KLHL29: variants seen among roughly 807,000 people sequenced by gnomAD.
The protein encoded by KLHL29 is kelch like family member 29.
A neutral mutation model predicts 80.4 loss-of-function variants in KLHL29; 21 were observed. The observed-to-expected ratio is 0.26, with a 90% CI of 0.19 to 0.38. The LOEUF is 0.38. Among genes scored for constraint, KLHL29 ranks in the 10% least tolerant of loss-of-function variants. The probability of loss-of-function intolerance (pLI) is 1.00; values close to 1 mark genes in which losing one functional copy is unlikely to be tolerated. For missense variants in KLHL29, 867 were observed against 1,223.9 expected (o/e 0.71, Z 4.35); for synonymous variants, 511 against 526.8 (o/e 0.97, Z 0.41).
intron 3 of KLHL29, among the ~76,000 whole-genome samples, chr2:23,605,446 G>A (rs1178172806): frequency 1.3e-5 from 2 of 152,094 alleles, no homozygotes; most frequent in Non-Finnish European, 2.9e-5. Flanking sequence ...TATCACAGCT[G>A]AAGGAGGCTT....
intron 2 of KLHL29, among the ~76,000 whole-genome samples, chr2:23,512,568 G>T (rs1312253354): frequency 6.6e-6 from 1 of 152,186 alleles, no homozygotes; most frequent in Admixed American, 6.5e-5. Flanking sequence ...AAATGTTAGC[G>T]ATCAATATGG....
At chr2:23,415,761 C>G (rs532422460) in intron 1 of KLHL29, among the ~76,000 whole-genome samples, 1 of 152,000 alleles carries the variant, frequency 6.6e-6, no homozygotes, top group African/African-American at 2.4e-5. Flanking sequence ...TGCAGTGGCA[C>G]GATCACAGCT....
At chr2:23,485,616 G>A (rs1664914101) in intron 2 of KLHL29, among the ~76,000 whole-genome samples, 1 of 152,216 alleles carries the variant, frequency 6.6e-6, no homozygotes, top group South Asian at 2.1e-4. Flanking sequence ...TTCAAGCCAT[G>A]TTTAGAAAGG....
intron 3 of KLHL29, among the ~76,000 whole-genome samples, chr2:23,580,568 A>T (rs113350270): frequency 9.1e-4 from 44 of 48,594 alleles, no homozygotes; most frequent in South Asian, 2.6e-3. Context: ...CTAGCTACTC[A>T]GGAGGCTGAG....
chr2:23,704,698 C>G (rs544757055), intron 13 of KLHL29, among the ~76,000 whole-genome samples: 1 of 152,090 alleles, frequency 6.6e-6, no homozygotes, highest in Admixed American at 6.6e-5. Flanking sequence ...ACCCGGGAGG[C>G]GGAGGTTGCA....
chr2:23,512,726 G>A (rs1471406292), intron 2 of KLHL29, among the ~76,000 whole-genome samples: 2 of 152,214 alleles, frequency 1.3e-5, no homozygotes, highest in African/African-American at 4.8e-5. Flanking sequence ...TCTGCTCCAA[G>A]CTAAGAACAG....
intron 3 of KLHL29, among the ~76,000 whole-genome samples, chr2:23,629,874 C>T (rs1669424312): frequency 6.6e-6 from 1 of 152,148 alleles, no homozygotes; most frequent in Non-Finnish European, 1.5e-5. Context: ...AGAGAGAGGC[C>T]TGGCACGAGC....
At chr2:23,635,460 C>G (rs1669583621) in intron 3 of KLHL29, among the ~76,000 whole-genome samples, 1 of 152,222 alleles carries the variant, frequency 6.6e-6, no homozygotes, top group South Asian at 2.1e-4. Context: ...TGGAGGCCCC[C>G]AGCCCCCATG....
intron 3 of KLHL29, among the ~76,000 whole-genome samples, chr2:23,597,371 A>ATGTG (rs760903515): frequency 1.2e-4 from 5 of 41,208 alleles, no homozygotes; most frequent in African/African-American, 4.5e-4. Context: ...GTATATATAT[A>ATGTG]TGTGTGTGTG....
chr2:23,398,731 T>C (rs185613648), intron 1 of KLHL29, among the ~76,000 whole-genome samples: 2 of 152,350 alleles, frequency 1.3e-5, no homozygotes, highest in East Asian at 3.9e-4. Flanking sequence ...CTCTGAACTT[T>C]CATGCTTTCA....
intron 2 of KLHL29, among the ~76,000 whole-genome samples, chr2:23,550,215 A>G (rs1667087046): frequency 1.3e-5 from 2 of 152,078 alleles, no homozygotes; most frequent in South Asian, 2.1e-4. Context: ...ATTTGATGAG[A>G]AAAGGGCAGA....
Position 23,695,682 on chromosome 2 carries a change from C to G in KLHL29, c.1602C>G (p.Leu534=). The G allele has an allele frequency of 6.4e-7, 1 of 1,551,686 alleles. No homozygotes were observed. Residue 534 remains leucine (L), a synonymous_variant, in exon 9 of 14, where the codon CTC becomes CTG. Coordinates refer to ENST00000486442, the MANE Select transcript of KLHL29 (RefSeq NM_052920.2). This position sits in a 1 kb window ranked among gnomAD's most constrained non-coding sequence, Gnocchi z 7.6. The part of the protein sequence containing the change: ...RLPFIHPSYL[L]NVVDNEELIK... ...CCTTCATCCACCCCAGCTACCTGCT[C>G]AATGTGGTTGACAATGAAGAGCTGA...
rs917263028 is a variant in KLHL29, at chr2:23,682,513, A to C, written c.941-1886A>C. Among the ~76,000 whole-genome samples the C allele has an allele frequency of 4.6e-5, 7 of 152,066 alleles. No individual in the cohort carries two copies. Among genetic ancestry groups the C allele is most frequent in the African/African-American group, 1.4e-4 (6 of 41,388 alleles). ...TCTGAAACCCAAGTCTAACCTTGCC[A>C]CTTCCTGTCCAGAATCCCCTGTGGC... is the stretch of plus-strand genomic sequence containing the variant. On this transcript the variant is annotated intron_variant, in intron 5 of 13. Transcript: ENST00000486442. The surrounding 1 kb of genome is among the most constrained non-coding windows in gnomAD (Gnocchi z 4.1).
chr2:23,490,657 T>C (rs1242137334), intron 2 of KLHL29, among the ~76,000 whole-genome samples: 1 of 152,224 alleles, frequency 6.6e-6, no homozygotes, highest in Non-Finnish European at 1.5e-5. Flanking sequence ...TTAATATCTT[T>C]CATAAAAGAT....
intron 2 of KLHL29, among the ~76,000 whole-genome samples, chr2:23,525,726 G>A (rs1200804314): frequency 4.3e-4 from 27 of 62,608 alleles, no homozygotes; most frequent in African/African-American, 2.2e-3. Flanking sequence ...CCCAGCCCCT[G>A]CCCCCCCCCC....
In KLHL29 at chr2:23,703,130, C is replaced by T. The variant is rs568406539; in HGVS notation, c.2106-56C>T. On this transcript the variant is annotated intron_variant, in intron 11 of 13. Coordinates refer to ENST00000486442, the MANE Select transcript of KLHL29 (RefSeq NM_052920.2). ...GCAGTTTGCTGCCCTTGCTTGTGAC[C>T]TCTGCCCCGCACAAGGTCCATCTTG... 44 of 1,302,674 alleles carry T rather than the reference C, an allele frequency of 3.4e-5. No homozygotes were observed. In the East Asian group the frequency reaches 1.1e-3, roughly 32 times the overall value. The allele number at this position is 1,302,674 out of a possible 1,614,324, so 80.7% of individuals were successfully genotyped here.
At chr2:23,611,194 C>T (rs545286192) in intron 3 of KLHL29, among the ~76,000 whole-genome samples, 2 of 152,102 alleles carry the variant, frequency 1.3e-5, no homozygotes, top group Non-Finnish European at 2.9e-5. Flanking sequence ...CTATTCGATT[C>T]GGGTCTGGGA....
intron 1 of KLHL29, among the ~76,000 whole-genome samples, chr2:23,401,082 C>G (rs1421160528): frequency 6.6e-6 from 1 of 152,214 alleles, no homozygotes; most frequent in Non-Finnish European, 1.5e-5. Context: ...CCAGTTTCAC[C>G]TGAGGTCAGT....
Position 23,503,241 on chromosome 2 carries a change from C to G in KLHL29, c.-46+27574C>G, listed in dbSNP as rs1402352337. On this transcript the variant is annotated intron_variant, in intron 2 of 13. Coordinates refer to ENST00000486442, the MANE Select transcript of KLHL29 (RefSeq NM_052920.2). This position sits in a 1 kb window ranked among gnomAD's most constrained non-coding sequence, Gnocchi z 4.0. ...GCAGGGGATGGCTGCTCCGGGCTGG[C>G]CTGGGCCTCGCTCTGCCTCTGTTGT... 2.0e-5 allele frequency among the ~76,000 whole-genome samples: 3 copies of G among 152,162 alleles called. No individual in the cohort carries two copies. Among genetic ancestry groups the G allele is most frequent in the Non-Finnish European group, 4.4e-5 (3 of 68,038 alleles).
Sources: allele counts gnomAD v4.1 joint callset (sites outside exome capture counted in the v4.1 genomes callset), GRCh38; gene constraint gnomAD v4.1.1; non-coding constraint Gnocchi (gnomAD v3.1); transcripts MANE v1.5; gene names NCBI Gene and HGNC (gene_info 2026-07-23, HGNC 2026-07-21).